The following PDE1A variants were observed in gnomAD, a reference collection of about 807,000 sequenced individuals.
The protein encoded by PDE1A is dual specificity calcium/calmodulin-dependent 3',5'-cyclic nucleotide phosphodiesterase 1A.
Under a neutral mutation model 61.7 loss-of-function variants are expected in PDE1A, and 35 were observed. The observed-to-expected ratio is 0.57, with a 90% CI of 0.43 to 0.75. PDE1A has a LOEUF of 0.75. Among genes scored for constraint, PDE1A ranks in the 30% least tolerant of loss-of-function variants. PDE1A has a pLI of 0.00. For synonymous variants in PDE1A, 232 were observed against 213.2 expected (o/e 1.09, Z -0.77); for missense variants, 597 against 630.6 (o/e 0.95, Z 0.57).
the PDE1A span, among the ~76,000 whole-genome samples, chr2:182,533,297 C>G: frequency 1.3e-5 from 2 of 152,124 alleles, no homozygotes; most frequent in Non-Finnish European, 2.9e-5. Context: ...GGTGACAGAG[C>G]GAGACCCTGT....
intron 1 of PDE1A, among the ~76,000 whole-genome samples, chr2:182,278,313 G>A (rs1693576895): frequency 6.6e-6 from 1 of 151,956 alleles, no homozygotes; most frequent in Non-Finnish European, 1.5e-5. Context: ...ACACACAAAA[G>A]TGGATATAAC....
Position 182,168,057 on chromosome 2 carries a change from T to C in PDE1A, c.*190A>G, listed in dbSNP as rs369644428. ...ACTAGATGAATCTGTTCGGTAGCAG[T>C]TGAGCCCGGTGAATTAAGGAGTTTA... On this transcript the variant is annotated 3_prime_UTR_variant, in exon 14 of 14. Coordinates refer to ENST00000351439, the Ensembl canonical transcript of PDE1A. The C allele has an allele frequency of 6.2e-6, 8 of 1,289,174 alleles. No homozygotes were observed. In the Admixed American group the frequency reaches 2.3e-4, roughly 36 times the overall value. The allele number at this position is 1,289,174 out of a possible 1,614,324, so 79.9% of individuals were successfully genotyped here. A position where few individuals can be genotyped will look rare whatever the true frequency, so the allele number is the denominator to read the frequency against.
the PDE1A span, among the ~76,000 whole-genome samples, chr2:182,643,575 G>C: frequency 1.8e-4 from 27 of 152,120 alleles, no homozygotes; most frequent in African/African-American, 6.5e-4. Flanking sequence ...GGCATTTTTT[G>C]AGTTATAGTT....
intron 2 of PDE1A, among the ~76,000 whole-genome samples, chr2:182,241,473 T>G (rs1690503966): frequency 6.6e-6 from 1 of 152,022 alleles, no homozygotes; most frequent in Admixed American, 6.6e-5. Context: ...GCAGGGGCCA[T>G]CTCAAAAAGC....
intron 1 of PDE1A, among the ~76,000 whole-genome samples, chr2:182,369,627 C>T (rs1012705841): frequency 7.9e-5 from 12 of 151,606 alleles, no homozygotes; most frequent in Non-Finnish European, 1.6e-4. Flanking sequence ...AGTGATAAAT[C>T]CTGCAGCATA....
intron 2 of PDE1A, among the ~76,000 whole-genome samples, chr2:182,491,024 C>G (rs1160055251): frequency 1.3e-5 from 2 of 152,136 alleles, no homozygotes; most frequent in African/African-American, 4.8e-5. Context: ...AATAATCATT[C>G]ATGGTTATAT....
rs146507933 is a variant in PDE1A at position 182,375,193 on chromosome 2, C to T, written c.53+51385G>A. Among the ~76,000 whole-genome samples, 976 of 152,252 alleles carry T rather than the reference C, an allele frequency of 6.4e-3. 14 individuals are homozygous for T. Among genetic ancestry groups the T allele is most frequent in the Non-Finnish European group, 6.3e-3 (428 of 68,008 alleles). ...TTCCAAATCTTATGTCTTCACATTT[C>T]AAAACCAATCATGCCTTCCCAGCAG... On this transcript the variant is annotated intron_variant, in intron 1 of 13. Coordinates refer to ENST00000351439, the Ensembl canonical transcript of PDE1A.
intron 2 of PDE1A, among the ~76,000 whole-genome samples, chr2:182,493,998 C>CA (rs558825710): frequency 1.3e-3 from 204 of 152,280 alleles, no homozygotes; most frequent in African/African-American, 4.7e-3. Flanking sequence ...CAGATCATGG[C>CA]ATGTGAACAA....
the PDE1A span, among the ~76,000 whole-genome samples, chr2:182,544,690 A>G: frequency 6.6e-6 from 1 of 152,212 alleles, no homozygotes; most frequent in African/African-American, 2.4e-5. Context: ...TGTAGTATGC[A>G]TAGCATCATT....
At chr2:182,258,362 C>G (rs558340038) in intron 2 of PDE1A, among the ~76,000 whole-genome samples, 8 of 152,098 alleles carry the variant, frequency 5.3e-5, no homozygotes, top group African/African-American at 1.9e-4. Flanking sequence ...TGCAAAGGAA[C>G]AATTCATCAG....
the PDE1A span, among the ~76,000 whole-genome samples, chr2:182,701,953 T>C: frequency 6.6e-6 from 1 of 152,224 alleles, no homozygotes; most frequent in Non-Finnish European, 1.5e-5. Context: ...TAAACAAAAT[T>C]TAAGGAAGAC....
chr2:182,282,188 T>C (rs368595767), intron 1 of PDE1A, among the ~76,000 whole-genome samples: 1 of 151,968 alleles, frequency 6.6e-6, no homozygotes, highest in Non-Finnish European at 1.5e-5. Flanking sequence ...TTCCACTCAC[T>C]TATCCTCACT....
At chr2:182,454,428 C>A (rs146841085) in intron 2 of PDE1A, among the ~76,000 whole-genome samples, 25,459 of 151,662 alleles carry the variant, frequency 0.17, 2,559 homozygotes, top group Middle Eastern at 0.35. Context: ...CTTTAAAGTT[C>A]ATATGGAACC....
chr2:182,485,403 T>C (rs1687953393), intron 2 of PDE1A, among the ~76,000 whole-genome samples: 1 of 151,978 alleles, frequency 6.6e-6, no homozygotes, highest in African/African-American at 2.4e-5. Flanking sequence ...GCAGAAAAGA[T>C]ACCTATTGCG....
chr2:182,692,567 T>C, the PDE1A span, among the ~76,000 whole-genome samples: 2 of 151,744 alleles, frequency 1.3e-5, no homozygotes, highest in African/African-American at 2.4e-5. Context: ...ATACCTAATG[T>C]AAATTATGAG....
chr2:182,490,120 A>G (rs1688285223), intron 2 of PDE1A, among the ~76,000 whole-genome samples: 1 of 152,218 alleles, frequency 6.6e-6, no homozygotes, highest in South Asian at 2.1e-4. Flanking sequence ...AATGTTGCTA[A>G]TGGGCCAAGA....
intron 1 of PDE1A, among the ~76,000 whole-genome samples, chr2:182,314,809 T>A (rs1485314813): frequency 1.3e-5 from 1 of 74,632 alleles, no homozygotes; most frequent in African/African-American, 3.7e-5. Context: ...TCAAAATGTA[T>A]ACTTTTTATG....
At chr2:182,644,047 T>C in the PDE1A span, among the ~76,000 whole-genome samples, 1 of 151,242 alleles carries the variant, frequency 6.6e-6, no homozygotes, top group East Asian at 2.0e-4. Flanking sequence ...ACAGTTTGCC[T>C]CAAGTGAGTT....
chr2:182,446,882 A>G (rs1336234489), intron 2 of PDE1A, among the ~76,000 whole-genome samples: 2 of 152,092 alleles, frequency 1.3e-5, no homozygotes, highest in East Asian at 3.9e-4. Flanking sequence ...CTCATCTTCA[A>G]TGAAGGGAAA....
Sources: gnomAD v4.1 joint callset for allele counts (sites outside exome capture counted in the v4.1 genomes callset) on GRCh38, gnomAD v4.1.1 for gene constraint, MANE v1.5 for transcripts, NCBI Gene and HGNC (gene_info 2026-07-23, HGNC 2026-07-21) for gene names.